The following TTC39B variants were observed in gnomAD, a reference collection of about 807,000 sequenced individuals.
TTC39B encodes the protein tetratricopeptide repeat protein 39B.
A neutral mutation model predicts 96.6 loss-of-function variants in TTC39B; 92 were observed. The ratio of observed to expected loss-of-function variants is 0.95; its 90% confidence interval spans 0.80 to 1.13. The LOEUF (loss-of-function observed/expected upper bound fraction) is 1.13. TTC39B is among the 50% of genes most tolerant of loss of function. The pLI, the probability that TTC39B is intolerant of heterozygous loss-of-function variation, is 0.00. For synonymous variants in TTC39B, 367 were observed against 299.4 expected, an observed-to-expected ratio of 1.23 and a Z score of -2.33; for missense variants, 955 against 809.3, an observed-to-expected ratio of 1.18 and a Z score of -2.18.
At chr9:15,197,747 C>A (rs1819257273) in intron 8 of TTC39B, among the ~76,000 whole-genome samples, 1 of 151,736 alleles carries the variant, frequency 6.6e-6, no homozygotes, top group Non-Finnish European at 1.5e-5. Context: ...TCAAAAAAGC[C>A]AGAAGAAAAG....
intron 3 of TTC39B, among the ~76,000 whole-genome samples, chr9:15,220,558 A>C (rs1375199357): frequency 1.3e-5 from 2 of 152,220 alleles, no homozygotes; most frequent in African/African-American, 2.4e-5. Flanking sequence ...GCAGATGTAA[A>C]AGGTAAAAAT....
At chr9:15,244,830 A>G (rs1300185081) in intron 2 of TTC39B, among the ~76,000 whole-genome samples, 1 of 152,198 alleles carries the variant, frequency 6.6e-6, no homozygotes, top group African/African-American at 2.4e-5. Context: ...TGGGGGGGAC[A>G]TTGTCTTTTC....
chr9:15,269,361 G>A (rs1027909777), intron 1 of TTC39B, among the ~76,000 whole-genome samples: 4 of 152,064 alleles, frequency 2.6e-5, no homozygotes, highest in Non-Finnish European at 5.9e-5. Flanking sequence ...AATACTTGTT[G>A]CCTAATGAAT....
intron 2 of TTC39B, among the ~76,000 whole-genome samples, chr9:15,265,615 G>A (rs1263190582): frequency 6.6e-6 from 1 of 152,148 alleles, no homozygotes; most frequent in East Asian, 1.9e-4. Context: ...CACATAAACA[G>A]ATTATCTTCC....
chr9:15,263,324 C>A (rs1823010839), intron 2 of TTC39B, among the ~76,000 whole-genome samples: 1 of 152,220 alleles, frequency 6.6e-6, no homozygotes. Flanking sequence ...ACTTAAATTT[C>A]ATTTAATCCT....
Position 15,201,387 on chromosome 9 carries a change from AGCACGGGGAGGGAGCCAT to A in TTC39B, c.760-1480_760-1463del, listed in dbSNP as rs1181592202. ...TACAATATGTTAAGGGAGGGCGTCAAGCACGGGGAGGGAGCCATGCACGGGGACGGGATCATGCATGGG... is the reference window on the plus strand; with the variant it reads ...TACAATATGTTAAGGGAGGGCGTCAAGCACGGGGACGGGATCATGCATGGG... On this transcript the variant is annotated intron_variant, in intron 7 of 19. Transcript: ENST00000512701. Among the ~76,000 whole-genome samples the A allele has an allele frequency of 3.3e-5, 5 of 152,342 alleles. No individual in the cohort carries two copies. In the East Asian group the frequency reaches 5.8e-4, roughly 18 times the overall value.
intron 3 of TTC39B, among the ~76,000 whole-genome samples, chr9:15,223,629 T>C (rs1820965238): frequency 6.6e-6 from 1 of 152,176 alleles, no homozygotes; most frequent in South Asian, 2.1e-4. Flanking sequence ...AAGTGTCATT[T>C]TAGGCTGCTT....
chr9:15,283,545 G>C (rs1001791594), intron 1 of TTC39B, among the ~76,000 whole-genome samples: 2 of 90,742 alleles, frequency 2.2e-5, no homozygotes, highest in Non-Finnish European at 5.3e-5. Flanking sequence ...TTTACATACA[G>C]AGAACTCAGT....
chr9:15,200,614 C>T (rs1426769167), intron 7 of TTC39B, among the ~76,000 whole-genome samples: 1 of 152,212 alleles, frequency 6.6e-6, no homozygotes, highest in Non-Finnish European at 1.5e-5. Flanking sequence ...CAAATAACCA[C>T]TTGAAGGAAG....
chr9:15,252,540 TG>T (rs1228455943), intron 2 of TTC39B, among the ~76,000 whole-genome samples: 1 of 151,782 alleles, frequency 6.6e-6, no homozygotes, highest in African/African-American at 2.4e-5. Context: ...CCCAGCTACT[TG>T]GGAGGCTGAG....
chr9:15,177,355 A>AGAAAG (rs1345596762), intron 18 of TTC39B, among the ~76,000 whole-genome samples: 1 of 152,176 alleles, frequency 6.6e-6, no homozygotes, highest in African/African-American at 2.4e-5. Flanking sequence ...AGAAAAGAAA[A>AGAAAG]GAAAAACTAA....
chr9:15,189,255 G>T (rs1818712558), intron 13 of TTC39B, among the ~76,000 whole-genome samples: 1 of 152,154 alleles, frequency 6.6e-6, no homozygotes, highest in Non-Finnish European at 1.5e-5. Context: ...TCCAAAGTCA[G>T]TGTGTAATGC....
At chr9:15,260,125 T>C (rs952918992) in intron 2 of TTC39B, among the ~76,000 whole-genome samples, 2 of 152,106 alleles carry the variant, frequency 1.3e-5, no homozygotes, top group African/African-American at 4.8e-5. Context: ...TTAAAAAAAT[T>C]CTCTGAGTGG....
At chr9:15,229,729 G>C (rs1358980679) in intron 2 of TTC39B, among the ~76,000 whole-genome samples, 4 of 152,054 alleles carry the variant, frequency 2.6e-5, no homozygotes, top group African/African-American at 9.7e-5. Context: ...GCATTCTTTT[G>C]TTCCATCACA....
At chr9:15,169,015 C>G (rs191705035) in exon 20 of TTC39B, 1 of 152,222 alleles carries the variant, frequency 6.6e-6, no homozygotes, top group East Asian at 1.9e-4. Context: ...ATAGAGTGAC[C>G]TCAAAGTTCA....
At chr9:15,170,721 G>A (rs1424386588) in exon 20 of TTC39B, 1 of 152,108 alleles carries the variant, frequency 6.6e-6, no homozygotes, top group African/African-American at 2.4e-5. Context: ...AATGGAAATA[G>A]AAATAAGGCC....
rs185062549 is a variant in TTC39B, at chr9:15,218,848, A to G, written c.372-4599T>C. Among the ~76,000 whole-genome samples, 91 of 152,172 alleles carry G rather than the reference A, an allele frequency of 6.0e-4. 1 individual carries two copies. The highest frequency in any genetic ancestry group is 1.4e-3 in the Admixed American group (22 of 15,286). On this transcript the variant is annotated intron_variant, in intron 3 of 19. Coordinates refer to ENST00000512701, the Ensembl canonical transcript of TTC39B. ...CAAGAGAAGTCAAATGTTTCCCACA[A>G]TATATTGGTTCCACTGAAACTGTGA...
chr9:15,192,754 A>T, intron 8 of TTC39B, 59 bp from the exon 9 acceptor site: 4 of 1,202,200 alleles, frequency 3.3e-6, no homozygotes, highest in Non-Finnish European at 4.8e-6. Flanking sequence ...AATAAATATT[A>T]AATCAAATTT....
intron 2 of TTC39B, among the ~76,000 whole-genome samples, chr9:15,248,386 A>G (rs1478877500): frequency 6.6e-6 from 1 of 152,204 alleles, no homozygotes. Context: ...GGGCAGAATT[A>G]GTTGCAGGTA....
Sources: gnomAD v4.1 joint callset for allele counts (sites outside exome capture counted in the v4.1 genomes callset) on GRCh38, gnomAD v4.1.1 for gene constraint, MANE v1.5 for transcripts, NCBI Gene and HGNC (gene_info 2026-07-23, HGNC 2026-07-21) for gene names.